Variants in DAB1 observed in about 807,000 individuals in gnomAD.
DAB1 encodes disabled homolog 1.
Under a neutral mutation model 64.6 loss-of-function variants are expected in DAB1, and 15 were observed. The observed-to-expected ratio is 0.23, with a 90% CI of 0.16 to 0.36. DAB1 has a LOEUF of 0.36. Among genes scored for constraint, DAB1 ranks in the 10% least tolerant of loss-of-function variants. The pLI is 1.00. For synonymous variants in DAB1, 235 were observed against 251.9 expected, an observed-to-expected ratio of 0.93 and a Z score of 0.64; for missense variants, 596 against 706.7, an observed-to-expected ratio of 0.84 and a Z score of 1.78.
chr1:57,116,135 G>A (rs1656082132), intron 4 of DAB1, among the ~76,000 whole-genome samples: 1 of 152,014 alleles, frequency 6.6e-6, no homozygotes, highest in Non-Finnish European at 1.5e-5. Flanking sequence ...TTCTCATCTT[G>A]GCATGCTGAG....
chr1:57,488,321 G>T (rs1482104997), intron 7 of DAB1, among the ~76,000 whole-genome samples: 1 of 149,354 alleles, frequency 6.7e-6, no homozygotes, highest in Non-Finnish European at 1.5e-5. Flanking sequence ...AGAATGGCAT[G>T]AACCCGGGCG....
chr1:57,678,778 T>TC (rs66931363), intron 6 of DAB1, among the ~76,000 whole-genome samples: 18 of 150,570 alleles, frequency 1.2e-4, no homozygotes, highest in South Asian at 4.3e-4. Context: ...GTTTTTTTTT[T>TC]CTTTGTTTTT....
chr1:57,332,921 C>G (rs1026119315), intron 1 of DAB1, among the ~76,000 whole-genome samples: 1 of 152,176 alleles, frequency 6.6e-6, no homozygotes, highest in Non-Finnish European at 1.5e-5. Flanking sequence ...CATCCCACAC[C>G]GTCTTCTGCT....
intron 1 of DAB1, among the ~76,000 whole-genome samples, chr1:57,403,394 T>A (rs959935062): frequency 2.6e-5 from 4 of 152,198 alleles, no homozygotes; most frequent in African/African-American, 7.2e-5. Flanking sequence ...GTGGAAACAG[T>A]TGATGGAGCT....
intron 5 of DAB1, among the ~76,000 whole-genome samples, chr1:57,963,865 A>C (rs1645587696): frequency 6.6e-6 from 1 of 152,246 alleles, no homozygotes; most frequent in Non-Finnish European, 1.5e-5. Flanking sequence ...TGTCATTATA[A>C]GCTGTATTGA....
intron 7 of DAB1, among the ~76,000 whole-genome samples, chr1:57,573,320 G>A (rs1216609284): frequency 1.3e-5 from 2 of 152,126 alleles, no homozygotes; most frequent in Non-Finnish European, 2.9e-5. Flanking sequence ...TCAATCTCCT[G>A]GCCTCAAGCA....
intron 1 of DAB1, among the ~76,000 whole-genome samples, chr1:57,345,306 G>A (rs1266327468): frequency 1.3e-5 from 2 of 152,138 alleles, no homozygotes; most frequent in Admixed American, 1.3e-4. Flanking sequence ...AGCACACCAT[G>A]GGTGAATGGT....
chr1:57,427,702 A>G (rs976217514), upstream of DAB1, among the ~76,000 whole-genome samples: 2 of 152,206 alleles, frequency 1.3e-5, no homozygotes, highest in African/African-American at 4.8e-5. Flanking sequence ...CTGTAGCTTT[A>G]TTGAAGTATA....
chr1:58,159,084 C>T lies in DAB1; in HGVS notation n.310-8496G>A, dbSNP rs184658448. Among the ~76,000 whole-genome samples the T allele has an allele frequency of 2.0e-3, 306 of 152,302 alleles. 2 individuals carry two copies. The highest frequency in any genetic ancestry group is 7.3e-3 in the African/African-American group (304 of 41,570). Reference sequence around the variant, plus strand: ...TCAAGCTCTTGCCCTTGCTAGTGAGCTCAAGCTCTGGAACCCAAACTGAAC... The same window carrying T: ...TCAAGCTCTTGCCCTTGCTAGTGAGTTCAAGCTCTGGAACCCAAACTGAAC... On this transcript the variant is annotated intron_variant and non_coding_transcript_variant, in intron 4 of 20. Transcript: ENST00000485760.
intron 4 of DAB1, among the ~76,000 whole-genome samples, chr1:58,322,239 T>G (rs1662701986): frequency 1.3e-5 from 2 of 151,576 alleles, no homozygotes; most frequent in South Asian, 4.2e-4. Flanking sequence ...AATAGACAAA[T>G]GGAATCTAAT....
At chr1:57,736,135 A>G (rs1179962673) in intron 6 of DAB1, among the ~76,000 whole-genome samples, 1 of 152,210 alleles carries the variant, frequency 6.6e-6, no homozygotes, top group East Asian at 1.9e-4. Flanking sequence ...TCTTGTAAAA[A>G]TGGTTCTTGG....
chr1:58,146,573 A>G (rs1229827274), intron 5 of DAB1, among the ~76,000 whole-genome samples: 1 of 152,080 alleles, frequency 6.6e-6, no homozygotes, highest in African/African-American at 2.4e-5. Context: ...TGTTGTTTAC[A>G]TTCCACATAT....
rs144324206 is a variant in DAB1, at chr1:57,459,696, G to T, written n.626-168530C>A. On this transcript the variant is annotated intron_variant and non_coding_transcript_variant, in intron 7 of 20. Coordinates refer to the DAB1 transcript ENST00000485760. ...GACTTAGAACAGTCACCAGATCCAC[G>T]ATCCAAAGCAAATTACATAGAACAA... is the stretch of plus-strand genomic sequence containing the variant. Among the ~76,000 whole-genome samples, 1,290 of 152,206 alleles carry T rather than the reference G, an allele frequency of 8.5e-3. 34 individuals carry two copies. Among genetic ancestry groups the T allele is most frequent in the Admixed American group, 0.053 (813 of 15,292 alleles).
intron 4 of DAB1, among the ~76,000 whole-genome samples, chr1:58,336,027 T>C (rs951753019): frequency 1.3e-5 from 2 of 152,178 alleles, no homozygotes; most frequent in South Asian, 4.1e-4. Flanking sequence ...TTTAAAGCCA[T>C]GGAACAGAAT....
chr1:58,493,890 C>G (rs1357759189), intron 3 of DAB1, among the ~76,000 whole-genome samples: 2 of 150,992 alleles, frequency 1.3e-5, no homozygotes, highest in African/African-American at 4.9e-5. Flanking sequence ...CTACCAATGA[C>G]TTTCTTCACA....
chr1:57,015,853 G>T (rs1392596436), intron 11 of DAB1, among the ~76,000 whole-genome samples: 1 of 152,194 alleles, frequency 6.6e-6, no homozygotes, highest in Non-Finnish European at 1.5e-5. Context: ...CTGACTCTTT[G>T]TGGTAAAACC....
At position 58,073,612 on chromosome 1, in the gene DAB1, G is replaced by A. The variant is rs1474348808; in HGVS notation, n.387+76899C>T. Among the ~76,000 whole-genome samples the A allele has an allele frequency of 2.0e-5, 3 of 152,154 alleles. No individual in the cohort carries two copies. In the East Asian group the frequency reaches 5.8e-4, roughly 29 times the overall value. The stretch of plus-strand genomic sequence containing the variant: ...GACAGATTAAATGTTGACCATATTG[G>A]ATGCATTAATGGTTGCAGCCCCAGC... On this transcript the variant is annotated intron_variant and non_coding_transcript_variant, in intron 5 of 20. Transcript: ENST00000485760.
chr1:58,509,108 TAA>T (rs1365456005), intron 2 of DAB1, among the ~76,000 whole-genome samples: 1 of 152,076 alleles, frequency 6.6e-6, no homozygotes, highest in East Asian at 1.9e-4. Context: ...CTGTAAAGGC[TAA>T]GAGGTTGCTG....
intron 7 of DAB1, among the ~76,000 whole-genome samples, chr1:57,636,127 CTGGTGCCCTTATAAGAAAATG>C (rs1646054104): frequency 9.5e-6 from 1 of 105,232 alleles, no homozygotes; most frequent in African/African-American, 3.2e-5. Flanking sequence ...AAACAAAAAA[CTGGTGCCCTTATAAGAAAATG>C]AAAACACTGG....
Sources: gnomAD v4.1 joint callset for allele counts (sites outside exome capture counted in the v4.1 genomes callset) on GRCh38, gnomAD v4.1.1 for gene constraint, MANE v1.5 for transcripts, NCBI Gene and HGNC (gene_info 2026-07-23, HGNC 2026-07-21) for gene names.